LCP1: variants seen among roughly 807,000 people sequenced by gnomAD.
LCP1 encodes the protein lymphocyte cytosolic protein 1.
A neutral mutation model predicts 72.0 loss-of-function variants in LCP1; 23 were observed. The observed-to-expected ratio is 0.32, with a 90% CI of 0.23 to 0.45. The LOEUF is 0.45. Among genes scored for constraint, LCP1 ranks in the 20% least tolerant of loss-of-function variants. LCP1 has a pLI of 1.00. For synonymous variants in LCP1, 245 were observed against 275.4 expected, an observed-to-expected ratio of 0.89 and a Z score of 1.09; for missense variants, 571 against 748.3, an observed-to-expected ratio of 0.76 and a Z score of 2.76.
intron 1 of LCP1, among the ~76,000 whole-genome samples, chr13:46,170,611 T>C (rs2045900413): frequency 6.6e-6 from 1 of 152,220 alleles, no homozygotes; most frequent in African/African-American, 2.4e-5. Context: ...AAGCTGGAAA[T>C]ATAGGTGCTA....
intron 13 of LCP1, among the ~76,000 whole-genome samples, chr13:46,137,457 T>C (rs376127494): frequency 2.4e-4 from 37 of 152,252 alleles, no homozygotes; most frequent in African/African-American, 8.2e-4. Context: ...GGAGAATTGC[T>C]TGAACCTGGC....
At chr13:46,142,211 C>T (rs1017371055) in intron 13 of LCP1, 81 bp downstream of exon 13, 43 of 1,406,394 alleles carry the variant, frequency 3.1e-5, no homozygotes, top group Middle Eastern at 1.8e-4. Context: ...ACTGAATTAA[C>T]TCATACTGCT....
At chr13:46,146,181 G>A (rs1348937732) in intron 10 of LCP1, among the ~76,000 whole-genome samples, 8 of 152,148 alleles carry the variant, frequency 5.3e-5, no homozygotes, top group African/African-American at 1.9e-4. Flanking sequence ...ATGCAGGAGT[G>A]TTGGAGCACG....
rs539671868 is a variant in LCP1, at chr13:46,165,517, T to C, written c.-24-5831A>G. Among the ~76,000 whole-genome samples, 359 of 152,324 alleles carry C rather than the reference T, an allele frequency of 2.4e-3. 1 individual carries two copies. The highest frequency in any genetic ancestry group is 4.3e-3 in the Non-Finnish European group (294 of 68,028). ...TAGTTTGCAAATTACTGGCACCATA[T>C]AGGCAGCAAACTATACAGATACTGC... On this transcript the variant is annotated intron_variant, in intron 1 of 15. Coordinates refer to ENST00000323076, the MANE Select transcript of LCP1 (RefSeq NM_002298.5).
At chr13:46,168,333 C>G (rs1733787202) in intron 1 of LCP1, 1 of 152,224 alleles carries the variant, frequency 6.6e-6, no homozygotes, top group South Asian at 2.1e-4. Context: ...TGAGAAATAG[C>G]TGCTGGCGCC....
intron 15 of LCP1, among the ~76,000 whole-genome samples, chr13:46,130,126 G>C (rs1041951497): frequency 1.3e-5 from 2 of 152,192 alleles, no homozygotes; most frequent in Non-Finnish European, 2.9e-5. Context: ...GCAGTACTTC[G>C]TTGTGGCAGC....
rs759151052 is a variant in LCP1 at position 46,147,012 on chromosome 13, C to G, written c.1070G>C (p.Arg357Pro). The G allele has an allele frequency of 6.2e-6, 10 of 1,614,080 alleles. No homozygotes were observed. Among genetic ancestry groups the G allele is most frequent in the Non-Finnish European group, 8.5e-6 (10 of 1,180,010 alleles). The change falls in exon 10 of 16, where the codon CGA (arginine) becomes CCA (proline). Residue 357 changes from arginine to proline, a missense_variant. By Grantham distance (103) the Arg-to-Pro change is moderately radical. Coordinates refer to ENST00000323076, the MANE Select transcript of LCP1 (RefSeq NM_002298.5). ...AGCCAAGTTCAACTTGGGGTTCCCTCGGACAACATCTGTGGCTGTGACAAA... is the reference window on the plus strand; with the variant it reads ...AGCCAAGTTCAACTTGGGGTTCCCTGGGACAACATCTGTGGCTGTGACAAA... ...RQFVTATDVVRGNPKLNLAFI... is the reference protein window; with the variant it reads ...RQFVTATDVVPGNPKLNLAFI...
chr13:46,159,137 A>G, intron 2 of LCP1, 148 bp from the exon 3 acceptor site: 1 of 698,290 alleles, frequency 1.4e-6, no homozygotes, highest in Non-Finnish European at 2.4e-6. Flanking sequence ...TCAGAATCTC[A>G]CAAGATGACT....
rs2045608602 is a variant in LCP1, at chr13:46,127,814, G to A, written c.1752-91C>T. ...GGGTCACAGTCACAGTCGTTCCATA[G>A]TCAGGACAGAACTCACTCCTGCAGT... On this transcript the variant is annotated intron_variant, in intron 15 of 15. Transcript: ENST00000323076. 4.0e-6 allele frequency: 6 copies of A among 1,487,306 alleles called. No homozygotes were observed. In the African/African-American group the frequency reaches 8.3e-5, roughly 20 times the overall value. The allele number at this position is 1,487,306 out of a possible 1,614,324, so 92.1% of individuals were successfully genotyped here. A position where few individuals can be genotyped will look rare whatever the true frequency, so the allele number is the denominator to read the frequency against.
chr13:46,167,553 C>T (rs1475430510), intron 1 of LCP1, among the ~76,000 whole-genome samples: 1 of 152,156 alleles, frequency 6.6e-6, no homozygotes, highest in Non-Finnish European at 1.5e-5. Flanking sequence ...GACAGTGATG[C>T]TCCTGATACT....
intron 4 of LCP1, among the ~76,000 whole-genome samples, chr13:46,157,397 T>G (rs2045809554): frequency 6.6e-6 from 1 of 152,162 alleles, no homozygotes; most frequent in African/African-American, 2.4e-5. Flanking sequence ...CTTGATACAA[T>G]TATAATTAAA....
chr13:46,141,380 T>C (rs1294366364), intron 13 of LCP1, among the ~76,000 whole-genome samples: 2 of 117,622 alleles, frequency 1.7e-5, no homozygotes, highest in East Asian at 5.0e-4. Context: ...CACTCCAGTC[T>C]GGGCGACAGA....
intron 10 of LCP1, among the ~76,000 whole-genome samples, chr13:46,145,575 A>G (rs555340691): frequency 1.1e-4 from 16 of 152,278 alleles, no homozygotes; most frequent in African/African-American, 3.4e-4. Context: ...TTGGTGACTA[A>G]AGAAAAAAAA....
At chr13:46,167,348 C>G (rs1163107421) in intron 1 of LCP1, among the ~76,000 whole-genome samples, 2 of 152,160 alleles carry the variant, frequency 1.3e-5, no homozygotes, top group African/African-American at 4.8e-5. Flanking sequence ...CTGGCTCTGT[C>G]GCCAGCTAAG....
chr13:46,140,170 G>A (rs1183274371), intron 13 of LCP1, among the ~76,000 whole-genome samples: 1 of 152,200 alleles, frequency 6.6e-6, no homozygotes, highest in East Asian at 1.9e-4. Flanking sequence ...TATCAGAGTG[G>A]TGAGAACTGT....
chr13:46,136,402 A>T (rs2045665551), intron 13 of LCP1, among the ~76,000 whole-genome samples: 1 of 152,204 alleles, frequency 6.6e-6, no homozygotes, highest in African/African-American at 2.4e-5. Flanking sequence ...TGCCCTGTTC[A>T]TCAGAGGTTA....
intron 9 of LCP1, 149 bp from the exon 10 acceptor site, chr13:46,147,252 G>A: frequency 1.6e-6 from 1 of 619,238 alleles, no homozygotes. Flanking sequence ...TTGCCTATAT[G>A]CACCTGCACC....
At position 46,151,791 on chromosome 13, in the gene LCP1, A is replaced by G. The variant is rs9590950; in HGVS notation, c.740-713T>C. ...AATAAAAAAGTATGTATAACTAAAGATTAGAACTTGACTACAGATTTCATA... is the reference window on the plus strand; with the variant it reads ...AATAAAAAAGTATGTATAACTAAAGGTTAGAACTTGACTACAGATTTCATA... On this transcript the variant is annotated intron_variant, in intron 7 of 15. Coordinates refer to ENST00000323076, the MANE Select transcript of LCP1 (RefSeq NM_002298.5). Among the ~76,000 whole-genome samples, 1,183 of 152,340 alleles carry G rather than the reference A, an allele frequency of 7.8e-3. 10 individuals are homozygous for G. The highest frequency in any genetic ancestry group is 0.027 in the African/African-American group (1,130 of 41,586).
At chr13:46,130,125 C>T (rs7331279) in intron 15 of LCP1, among the ~76,000 whole-genome samples, 13,866 of 152,178 alleles carry the variant, frequency 0.091, 1,266 homozygotes, top group African/African-American at 0.24. Context: ...TGCAGTACTT[C>T]GTTGTGGCAG....
Sources: allele counts gnomAD v4.1 joint callset (sites outside exome capture counted in the v4.1 genomes callset), GRCh38; gene constraint gnomAD v4.1.1; transcripts MANE v1.5; gene names NCBI Gene and HGNC (gene_info 2026-07-23, HGNC 2026-07-21).